Variants in SPOCD1 observed in about 807,000 individuals in gnomAD.
SPOCD1 encodes SPOC domain containing 1.
In SPOCD1, 64 loss-of-function variants were observed where a neutral mutation model predicts 92.2. That is an observed-to-expected ratio of 0.69 (90% CI 0.57 to 0.86). SPOCD1 has a LOEUF of 0.86. SPOCD1 is among the 40% of genes least tolerant of loss of function. The pLI, the probability that SPOCD1 is intolerant of heterozygous loss-of-function variation, is 0.00. For missense variants in SPOCD1, 1,360 were observed against 1,543.1 expected (o/e 0.88, Z 1.99); for synonymous variants, 578 against 619.3 (o/e 0.93, Z 0.99).
At chr1:31,800,322 G>A in intron 4 of SPOCD1, 119 bp downstream of exon 4, 1 of 1,427,450 alleles carries the variant, frequency 7.0e-7, no homozygotes, top group Non-Finnish European at 9.4e-7. Context: ...CCTGCCTCTG[G>A]CTATTCTGAA....
At chr1:31,803,592 AT>A (rs1467618921) in intron 2 of SPOCD1, among the ~76,000 whole-genome samples, 27 of 141,838 alleles carry the variant, frequency 1.9e-4, no homozygotes, top group Non-Finnish European at 3.6e-4. Flanking sequence ...AAAAAAAAAA[AT>A]AGCCAGGCAT....
chr1:31,814,439 T>C lies in SPOCD1; in HGVS notation c.895A>G (p.Ser299Gly). ...GGGAACCCGACAGGGCCACAGGGGC[T>C]GCCTGGCTGGGGCCCATCCCCTGTA... is the stretch of plus-strand genomic sequence containing the variant. ...PATGDGPQPG[S>G]PCGPVGFPVP... Residue 299 changes from serine to glycine, a missense_variant, in exon 2 of 16, where the codon AGC becomes GGC. Ser to Gly is a moderately conservative substitution (Grantham distance 56). This residue lies in a region of SPOCD1 where 606 missense variants were observed against 601.5 expected (regional missense o/e 1.01). Transcript: ENST00000360482. This position sits in a 1 kb window ranked among gnomAD's most constrained non-coding sequence, Gnocchi z 4.2. 1 of 1,606,816 alleles carries C rather than the reference T, an allele frequency of 6.2e-7. No individual in the cohort carries two copies. Among genetic ancestry groups the C allele is most frequent in the Non-Finnish European group, 8.5e-7 (1 of 1,176,318 alleles).
chr1:31,801,791 G>T (rs1648484435), intron 2 of SPOCD1, 86 bp from the exon 3 acceptor site: 3 of 1,130,988 alleles, frequency 2.7e-6, no homozygotes, highest in Non-Finnish European at 4.0e-6. Context: ...AGACAATCTT[G>T]TTGAAAGGGT....
intron 9 of SPOCD1, among the ~76,000 whole-genome samples, chr1:31,797,934 C>A (rs78740397): frequency 6.6e-6 from 1 of 152,158 alleles, no homozygotes; most frequent in Non-Finnish European, 1.5e-5. Flanking sequence ...TCTCCCAAGC[C>A]CCCCACCCCA....
chr1:31,798,195 C>A lies in SPOCD1; in HGVS notation c.2145+12G>T. 6.2e-7 allele frequency: 1 copy of A among 1,609,126 alleles called. No individual in the cohort carries two copies. Among genetic ancestry groups the A allele is most frequent in the Non-Finnish European group, 8.5e-7 (1 of 1,175,534 alleles). On this transcript the variant is annotated intron_variant, in intron 9 of 15. Coordinates refer to ENST00000360482, the MANE Select transcript of SPOCD1 (RefSeq NM_144569.7). This position sits in a 1 kb window ranked among gnomAD's most constrained non-coding sequence, Gnocchi z 4.1. ...CATCCCCTCACCCATCCCGACTGGG[C>A]TCAGCACTCACCCTTTTCTCCTCCT...
chr1:31,814,215 C>T lies in SPOCD1; in HGVS notation c.1119G>A (p.Arg373=). The change falls in exon 2 of 16, where the codon AGG becomes AGA. Residue 373 remains arginine (R), a synonymous_variant. Coordinates refer to ENST00000360482, the MANE Select transcript of SPOCD1 (RefSeq NM_144569.7). This position sits in a 1 kb window ranked among gnomAD's most constrained non-coding sequence, Gnocchi z 4.2. ...ELEAKAQPAS[R]GRLEQGLAAP... ...CAGCGAGTCCTTGCTCCAGCCTTCCCCTGGAAGCTGGCTGAGCCTTGGCCT... is the reference window on the plus strand; with the variant it reads ...CAGCGAGTCCTTGCTCCAGCCTTCCTCTGGAAGCTGGCTGAGCCTTGGCCT... 1 of 1,579,620 alleles carries T rather than the reference C, an allele frequency of 6.3e-7. No individual in the cohort carries two copies. Among genetic ancestry groups the T allele is most frequent in the East Asian group, 2.3e-5 (1 of 44,180 alleles).
chr1:31,801,553 G>A, intron 3 of SPOCD1, 111 bp downstream of exon 3: 1 of 925,674 alleles, frequency 1.1e-6, no homozygotes. Flanking sequence ...ACTGGGGGAG[G>A]GCAGGCTGGG....
rs1225704485 is a variant in SPOCD1, at chr1:31,796,714, C to T, written c.2147G>A (p.Gly716Asp). ...ARWRDQEEKR[G>D]LNIIEQQQKE... ...CTGTTGCTGCTCAATGATATTCAGG[C>T]CCTGAAGAGGTGGAGCAGGCCAAGC... is the stretch of plus-strand genomic sequence containing the variant. The change falls in exon 10 of 16, where the codon GGC becomes GAC. Residue 716 changes from glycine to aspartate, a missense_variant and splice_region_variant. Physicochemically the swap from Gly to Asp is moderately conservative, Grantham distance 94 (BLOSUM62 -1). Transcript: ENST00000360482. The T allele has an allele frequency of 1.2e-6, 2 of 1,614,226 alleles. No homozygotes were observed. The highest frequency in any genetic ancestry group is 1.7e-5 in the Admixed American group (1 of 60,032).
intron 10 of SPOCD1, 100 bp from the exon 11 acceptor site, chr1:31,794,335 A>G (rs1172520368): frequency 7.4e-6 from 5 of 673,138 alleles, no homozygotes; most frequent in African/African-American, 3.6e-5. Context: ...ATTTTTCTCA[A>G]TAATAAATGT....
intron 13 of SPOCD1, 45 bp from the exon 14 acceptor site, chr1:31,792,812 C>CTGAGTGGGTGGG: frequency 4.1e-6 from 6 of 1,476,978 alleles, no homozygotes; most frequent in Non-Finnish European, 4.7e-6. Flanking sequence ...GCTTCCCACC[C>CTGAGTGGGTGGG]ACTCAGGGTG....
chr1:31,800,300 C>T, intron 4 of SPOCD1, 141 bp downstream of exon 4: 1 of 1,443,492 alleles, frequency 6.9e-7, no homozygotes, highest in Admixed American at 2.7e-5. Context: ...GCCATGCAGG[C>T]TGGGGCCGAA....
At position 31,798,248 on chromosome 1, in the gene SPOCD1, G is replaced by A. The variant is rs765864823; in HGVS notation, c.2104C>T (p.Pro702Ser). The change falls in exon 9 of 16, where the codon CCC (proline) becomes TCC (serine). Residue 702 changes from proline to serine, a missense_variant. By Grantham distance (74) the Pro-to-Ser change is moderately conservative. Coordinates refer to ENST00000360482, the MANE Select transcript of SPOCD1 (RefSeq NM_144569.7). This position sits in a 1 kb window ranked among gnomAD's most constrained non-coding sequence, Gnocchi z 4.1. Reference protein sequence around the residue: ...LVRMSSMQLAPQELARWRDQE... With the variant: ...LVRMSSMQLASQELARWRDQE... ...TCCCGCCAGCGGGCCAGCTCCTGGGGGGCCAGCTGCATCGAGCTCATCCGC... is the reference window on the plus strand; with the variant it reads ...TCCCGCCAGCGGGCCAGCTCCTGGGAGGCCAGCTGCATCGAGCTCATCCGC... The A allele has an allele frequency of 6.2e-7, 1 of 1,614,108 alleles. No individual in the cohort carries two copies. The highest frequency in any genetic ancestry group is 8.5e-7 in the Non-Finnish European group (1 of 1,180,040).
intron 2 of SPOCD1, among the ~76,000 whole-genome samples, chr1:31,806,567 C>T (rs901152903): frequency 6.8e-6 from 1 of 148,028 alleles, no homozygotes; most frequent in South Asian, 2.1e-4. Context: ...TTTTTTGAGA[C>T]GGAGTCTCAC....
In SPOCD1 at chr1:31,798,605, T is replaced by C. The variant is rs780646311; in HGVS notation, c.1869-4A>G. 3 of 1,612,036 alleles carry C rather than the reference T, an allele frequency of 1.9e-6. No homozygotes were observed. The highest frequency in any genetic ancestry group is 3.3e-5 in the Admixed American group (2 of 59,842). On this transcript the variant is annotated splice_polypyrimidine_tract_variant and splice_region_variant and intron_variant, in intron 7 of 15. Coordinates refer to ENST00000360482, the MANE Select transcript of SPOCD1 (RefSeq NM_144569.7). The surrounding 1 kb of genome is among the most constrained non-coding windows in gnomAD (Gnocchi z 4.1). ...TGGGTCTGGGAGCTCCCGAAGGCTG[T>C]GGAGGCCAGGGCAGGGCGGGGGCAC...
chr1:31,794,009 G>A lies in SPOCD1; in HGVS notation c.2384-112C>T, dbSNP rs575869451. Reference sequence around the variant, plus strand: ...TTCTTTTCTAGGTGACCTGGGGCACGGGCACCCCTGCTCTGCCACCCTCTC... The same window carrying A: ...TTCTTTTCTAGGTGACCTGGGGCACAGGCACCCCTGCTCTGCCACCCTCTC... On this transcript the variant is annotated intron_variant, in intron 11 of 15. Coordinates refer to ENST00000360482, the MANE Select transcript of SPOCD1 (RefSeq NM_144569.7). The A allele has an allele frequency of 1.8e-4, 276 of 1,503,686 alleles. 1 individual carries two copies. The African/African-American group carries it at 2.3e-3, about 12-fold the overall frequency. 93.1% of individuals were successfully genotyped at this position (1,503,686 alleles called of 1,614,324 possible).
intron 10 of SPOCD1, chr1:31,796,064 G>GT: frequency 4.8e-6 from 1 of 208,950 alleles, no homozygotes; most frequent in Non-Finnish European, 9.8e-6. Context: ...GGATGGAGCA[G>GT]ATCCTCAGCG....
chr1:31,792,578 T>C, intron 14 of SPOCD1, 100 bp downstream of exon 14: 2 of 1,180,058 alleles, frequency 1.7e-6, no homozygotes, highest in Non-Finnish European at 2.4e-6. Flanking sequence ...CTCTGGGAAC[T>C]AGACCCAGAT....
At position 31,792,744 on chromosome 1, in the gene SPOCD1, C is replaced by G. The variant is rs776523051; in HGVS notation, c.2709G>C (p.Ser903=). ...CAATGTTGGAGGGGATGCAGCCTGC[C>G]GAGCGGATCACGGTGGGCAGAGCCT... ...LVQALPTVIR[S]AGCIPSNIVW... The change falls in exon 14 of 16, where the codon TCG becomes TCC. Residue 903 remains serine (S), a synonymous_variant. Coordinates refer to ENST00000360482, the MANE Select transcript of SPOCD1 (RefSeq NM_144569.7). 3.6e-5 allele frequency: 58 copies of G among 1,606,690 alleles called. No homozygotes were observed. The highest frequency in any genetic ancestry group is 4.4e-5 in the Non-Finnish European group (52 of 1,177,248).
Position 31,799,804 on chromosome 1 carries a change from T to C in SPOCD1, c.1783+5A>G, listed in dbSNP as rs1421088857. The C allele has an allele frequency of 8.1e-6, 13 of 1,613,730 alleles. No individual in the cohort carries two copies. The highest frequency in any genetic ancestry group is 1.0e-5 in the Non-Finnish European group (12 of 1,179,996). On this transcript the variant is annotated splice_donor_5th_base_variant and intron_variant, in intron 6 of 15. Transcript: ENST00000360482. ...GCAGAAGAGGCTCCCTCCAGGGCCC[T>C]TCACCTGAGTCCTCTGGCTGCTCCG...
Sources: gnomAD v4.1 joint callset for allele counts (sites outside exome capture counted in the v4.1 genomes callset) on GRCh38, gnomAD v4.1.1 for gene constraint, gnomAD v4.1.1 regional missense constraint, Gnocchi (gnomAD v3.1) non-coding constraint, MANE v1.5 for transcripts, NCBI Gene and HGNC (gene_info 2026-07-23, HGNC 2026-07-21) for gene names.